Variants in VEGFC observed in about 807,000 individuals in gnomAD.
The protein encoded by VEGFC is vascular endothelial growth factor C.
VEGFC carries 12 observed loss-of-function variants against 46.1 expected under a neutral mutation model. The ratio of observed to expected loss-of-function variants is 0.26; its 90% CI spans 0.17 to 0.42. The LOEUF (loss-of-function observed/expected upper bound fraction) is 0.42, where lower values mean the gene tolerates loss of function less well. VEGFC is among the 10% of genes least tolerant of loss of function. The pLI, the probability that VEGFC is intolerant of heterozygous loss-of-function variation, is 1.00. For missense variants in VEGFC, 488 were observed against 529.4 expected, an observed-to-expected ratio of 0.92 and a Z score of 0.77; for synonymous variants, 232 against 195.5, an observed-to-expected ratio of 1.19 and a Z score of -1.56.
intron 1 of VEGFC, among the ~76,000 whole-genome samples, chr4:176,739,970 C>A (rs555678748): frequency 9.8e-4 from 11 of 11,234 alleles, no homozygotes; most frequent in Non-Finnish European, 1.2e-3. Flanking sequence ...TTCGATATAT[C>A]GAATATATAT....
chr4:176,709,346 G>A (rs902670350), intron 4 of VEGFC, among the ~76,000 whole-genome samples: 1 of 152,148 alleles, frequency 6.6e-6, no homozygotes, highest in Non-Finnish European at 1.5e-5. Context: ...TTTGAGTGTT[G>A]TTAGCTGAAT....
intron 1 of VEGFC, among the ~76,000 whole-genome samples, chr4:176,773,622 G>C (rs182378120): frequency 2.0e-5 from 3 of 152,280 alleles, no homozygotes; most frequent in Admixed American, 2.0e-4. Context: ...AAATAGTAGA[G>C]AGGTTAAATA....
chr4:176,695,189 A>G (rs2110977391), intron 4 of VEGFC, among the ~76,000 whole-genome samples: 1 of 150,932 alleles, frequency 6.6e-6, no homozygotes, highest in Non-Finnish European at 1.5e-5. Flanking sequence ...TGAATCCAGG[A>G]GCTGGTTTTT....
chr4:176,727,053 T>C (rs563711052), intron 3 of VEGFC, among the ~76,000 whole-genome samples: 5 of 152,304 alleles, frequency 3.3e-5, no homozygotes, highest in Non-Finnish European at 7.3e-5. Context: ...TGCACACAAT[T>C]TCAAACAACA....
rs143074611 is a variant in VEGFC, at chr4:176,684,069, G to A, written c.1146-29C>T. 1,866 of 1,540,188 alleles carry A rather than the reference G, an allele frequency of 1.2e-3. 14 individuals are homozygous for A. The African/African-American group carries it at 0.02, about 16-fold the overall frequency. On this transcript the variant is annotated intron_variant, in intron 6 of 6. Coordinates refer to ENST00000618562, the MANE Select transcript of VEGFC (RefSeq NM_005429.5). ...GGAGAACAAACAAGAACACACTTAC[G>A]TTAAAGATCAAGGCAATGGATTCAT...
intron 3 of VEGFC, among the ~76,000 whole-genome samples, chr4:176,724,777 A>T (rs1405597961): frequency 6.6e-6 from 1 of 152,218 alleles, no homozygotes; most frequent in Non-Finnish European, 1.5e-5. Context: ...GATGCTGAAC[A>T]GGGGCTATGG....
intron 4 of VEGFC, among the ~76,000 whole-genome samples, chr4:176,699,165 T>A (rs1333328632): frequency 6.6e-6 from 1 of 152,218 alleles, no homozygotes; most frequent in Non-Finnish European, 1.5e-5. Context: ...TGGCTTACCA[T>A]GTGGCACCTA....
chr4:176,699,722 T>C (rs1179151718), intron 4 of VEGFC, among the ~76,000 whole-genome samples: 6 of 152,204 alleles, frequency 3.9e-5, no homozygotes, highest in Admixed American at 3.9e-4. Flanking sequence ...CAGTTAATAG[T>C]GAATGGAAGG....
intron 1 of VEGFC, among the ~76,000 whole-genome samples, chr4:176,740,863 G>A (rs1037304940): frequency 2.0e-5 from 3 of 151,664 alleles, no homozygotes; most frequent in Admixed American, 1.3e-4. Context: ...CAATTAACAC[G>A]TTTATTACAA....
intron 4 of VEGFC, among the ~76,000 whole-genome samples, chr4:176,689,112 A>G (rs1028347515): frequency 6.6e-6 from 1 of 152,208 alleles, no homozygotes; most frequent in African/African-American, 2.4e-5. Flanking sequence ...TGGTGTAGAC[A>G]TCAAATAGAA....
intron 1 of VEGFC, among the ~76,000 whole-genome samples, chr4:176,790,495 T>A (rs1315721842): frequency 2.7e-5 from 4 of 150,824 alleles, no homozygotes; most frequent in Admixed American, 2.0e-4. Context: ...TTAACTTTTT[T>A]AATCCTCCAA....
intron 1 of VEGFC, among the ~76,000 whole-genome samples, chr4:176,776,698 T>C (rs1463653290): frequency 2.0e-5 from 3 of 152,220 alleles, no homozygotes; most frequent in Non-Finnish European, 2.9e-5. Context: ...GACCAAGCCC[T>C]AGCTTAACAA....
At chr4:176,696,114 G>A (rs1243868774) in intron 4 of VEGFC, among the ~76,000 whole-genome samples, 1 of 147,728 alleles carries the variant, frequency 6.8e-6, no homozygotes, top group Non-Finnish European at 1.5e-5. Context: ...ATTCAACATA[G>A]TGTTGGAAGT....
intron 1 of VEGFC, among the ~76,000 whole-genome samples, chr4:176,734,519 G>T (rs113774825): frequency 0.018 from 2,696 of 151,712 alleles, 71 homozygotes; most frequent in African/African-American, 0.061. Context: ...AGAAATATAC[G>T]CGAGAATTTC....
chr4:176,687,076 T>G, intron 6 of VEGFC, 111 bp downstream of exon 6: 1 of 1,148,652 alleles, frequency 8.7e-7, no homozygotes, highest in Non-Finnish European at 1.2e-6. Flanking sequence ...TCTTTCAGAA[T>G]GTATTGGCCT....
intron 1 of VEGFC, among the ~76,000 whole-genome samples, chr4:176,767,123 T>TAAAAAA (rs70964805): frequency 0.024 from 1,180 of 49,362 alleles, no homozygotes; most frequent in Non-Finnish European, 0.03. Context: ...TGTAGAAATC[T>TAAAAAA]AAAAAAAAAA....
At chr4:176,711,976 A>T (rs1333924922) in intron 3 of VEGFC, among the ~76,000 whole-genome samples, 1 of 152,192 alleles carries the variant, frequency 6.6e-6, no homozygotes, top group Non-Finnish European at 1.5e-5. Flanking sequence ...TCAAAGTTAT[A>T]GATTATTTGA....
intron 1 of VEGFC, among the ~76,000 whole-genome samples, chr4:176,761,609 A>C (rs1735531379): frequency 6.6e-6 from 1 of 152,218 alleles, no homozygotes; most frequent in South Asian, 2.1e-4. Context: ...GTAATGTTGA[A>C]TACTGCATTA....
intron 1 of VEGFC, among the ~76,000 whole-genome samples, chr4:176,777,280 G>A (rs1472950840): frequency 6.6e-6 from 1 of 152,202 alleles, no homozygotes; most frequent in African/African-American, 2.4e-5. Flanking sequence ...TCGCACCACT[G>A]CACTCCAGCC....
Sources: allele counts gnomAD v4.1 joint callset (sites outside exome capture counted in the v4.1 genomes callset), GRCh38; gene constraint gnomAD v4.1.1; transcripts MANE v1.5; gene names NCBI Gene and HGNC (gene_info 2026-07-23, HGNC 2026-07-21).